The following TRPM2 variants were observed in gnomAD, a reference collection of about 807,000 sequenced individuals.
The protein encoded by TRPM2 is estrogen-responsive element-associated gene 1 protein.
In TRPM2, 161 loss-of-function variants were observed where a neutral mutation model predicts 174.0. The ratio of observed to expected loss-of-function variants is 0.93; its 90% confidence interval spans 0.81 to 1.05. The LOEUF is 1.05. Among genes scored for constraint, TRPM2 ranks in the 50% least tolerant of loss-of-function variants. The pLI is 0.00. For missense variants in TRPM2, 2,057 were observed against 2,038.0 expected (o/e 1.01, Z -0.18); for synonymous variants, 954 against 861.3 (o/e 1.11, Z -1.88).
chr21:44,418,622 C>T, intron 22 of TRPM2, 67 bp downstream of exon 22: 1 of 1,590,868 alleles, frequency 6.3e-7, no homozygotes, highest in South Asian at 1.1e-5. Flanking sequence ...TCCACAGGCA[C>T]CATGAGTACA....
chr21:44,402,575 ACT>A (rs983017994), intron 16 of TRPM2, among the ~76,000 whole-genome samples: 2 of 152,074 alleles, frequency 1.3e-5, no homozygotes, highest in African/African-American at 4.8e-5. Flanking sequence ...CAAAGGTCAA[ACT>A]GAAAACTGCC....
chr21:44,414,368 G>C (rs2050209037), intron 20 of TRPM2, among the ~76,000 whole-genome samples: 1 of 152,352 alleles, frequency 6.6e-6, no homozygotes, highest in African/African-American at 2.4e-5. Context: ...TGCTGCGGAG[G>C]CAGCCTCCTC....
At chr21:44,378,399 A>G (rs2048770890) in intron 7 of TRPM2, among the ~76,000 whole-genome samples, 1 of 152,192 alleles carries the variant, frequency 6.6e-6, no homozygotes, top group Admixed American at 6.5e-5. Flanking sequence ...TTTATGTTTC[A>G]TGATTGCAGG....
At position 44,376,106 on chromosome 21, in the gene TRPM2, C is replaced by G. The variant is rs563461457; in HGVS notation, c.952+93C>G. 6.8e-6 allele frequency: 10 copies of G among 1,460,192 alleles called. No homozygotes were observed. Among genetic ancestry groups the G allele is most frequent in the Non-Finnish European group, 9.3e-6 (10 of 1,076,042 alleles). 90.5% of individuals were successfully genotyped at this position (1,460,192 alleles called of 1,614,324 possible). A position where few individuals can be genotyped will look rare whatever the true frequency, so the allele number is the denominator to read the frequency against. ...AGCTGGTCACGACCAGGACGTTCAA[C>G]AGGCCTGGCGTTTGGCAGAGAGTGC... On this transcript the variant is annotated intron_variant, in intron 6 of 31. Transcript: ENST00000397928. This position sits in a 1 kb window ranked among gnomAD's most constrained non-coding sequence, Gnocchi z 4.2.
intron 1 of TRPM2, 111 bp downstream of exon 1, chr21:44,353,976 T>G: frequency 7.4e-7 from 1 of 1,342,986 alleles, no homozygotes; most frequent in Non-Finnish European, 9.9e-7. Context: ...TCTGCTGACC[T>G]TGGGGGCTCC....
Position 44,365,016 on chromosome 21 carries a change from T to TC in TRPM2, c.423+734_423+735insC, listed in dbSNP as rs1446866260. Among the ~76,000 whole-genome samples the TC allele has an allele frequency of 6.7e-5, 10 of 148,804 alleles. 3 individuals carry two copies. Among genetic ancestry groups the TC allele is most frequent in the African/African-American group, 1.3e-4 (5 of 39,706 alleles). Reference sequence around the variant, plus strand: ...CTGAGACTCGCGTGTTGACCAGCCTTTTGGAGGGTTCTGAGACTCGCGTGT... The same window carrying TC: ...CTGAGACTCGCGTGTTGACCAGCCTTCTTGGAGGGTTCTGAGACTCGCGTGT... On this transcript the variant is annotated intron_variant, in intron 3 of 31. Coordinates refer to ENST00000397928, the MANE Select transcript of TRPM2 (RefSeq NM_003307.4).
At chr21:44,397,249 G>A (rs1259625273) in intron 12 of TRPM2, among the ~76,000 whole-genome samples, 1 of 152,108 alleles carries the variant, frequency 6.6e-6, no homozygotes, top group East Asian at 1.9e-4. Context: ...ATATTGGCCA[G>A]GCTGGTCTCG....
At chr21:44,403,667 A>G (rs1008638505) in intron 16 of TRPM2, among the ~76,000 whole-genome samples, 1 of 139,178 alleles carries the variant, frequency 7.2e-6, no homozygotes, top group Non-Finnish European at 1.5e-5. Context: ...ACACATGCAT[A>G]CACACATGCA....
At chr21:44,403,115 C>T (rs1002539224) in intron 16 of TRPM2, among the ~76,000 whole-genome samples, 2 of 152,150 alleles carry the variant, frequency 1.3e-5, no homozygotes, top group African/African-American at 4.8e-5. Context: ...CCACCAGACC[C>T]TCTCTACAAG....
At position 44,379,215 on chromosome 21, in the gene TRPM2, G is replaced by A. The variant is rs756013023; in HGVS notation, c.1215+18G>A. ...CCAAAAAGGTGAGGCTGACGGGCAC[G>A]ACGGTCACCAGCATGTGGCTGCTTT... On this transcript the variant is annotated intron_variant, in intron 8 of 31. Transcript: ENST00000397928. The A allele has an allele frequency of 1.9e-5, 31 of 1,609,032 alleles. No homozygotes were observed. The highest frequency in any genetic ancestry group is 4.5e-5 in the East Asian group (2 of 44,866).
chr21:44,406,176 TC>T, intron 18 of TRPM2, 139 bp downstream of exon 18: 1 of 1,118,816 alleles, frequency 8.9e-7, no homozygotes, highest in Admixed American at 2.3e-5. Flanking sequence ...CCCCTTGGGC[TC>T]CCAAGAATGC....
chr21:44,375,562 C>A (rs2048673892), intron 5 of TRPM2, among the ~76,000 whole-genome samples: 1 of 152,230 alleles, frequency 6.6e-6, no homozygotes, highest in Admixed American at 6.5e-5. Flanking sequence ...CTTGCCCCTG[C>A]CTCTGTGGTC....
At chr21:44,386,968 T>C (rs1024735748) in intron 9 of TRPM2, among the ~76,000 whole-genome samples, 6 of 152,144 alleles carry the variant, frequency 3.9e-5, no homozygotes, top group Non-Finnish European at 5.9e-5. Flanking sequence ...AGTGGGCTGA[T>C]TGCTTGAGCT....
chr21:44,396,508 A>G (rs867538568), intron 12 of TRPM2, among the ~76,000 whole-genome samples: 18 of 10,506 alleles, frequency 1.7e-3, no homozygotes, highest in Non-Finnish European at 1.4e-3. Flanking sequence ...AGACTGTGGA[A>G]GGGTGTGGAG....
In TRPM2 at chr21:44,432,354, A is replaced by T. The variant is rs2051056028; in HGVS notation, c.3975-2777A>T. Among the ~76,000 whole-genome samples the T allele has an allele frequency of 6.6e-6, 1 of 152,176 alleles. No individual in the cohort carries two copies. The highest frequency in any genetic ancestry group is 2.1e-4 in the South Asian group (1 of 4,830). ...CCCTAGCCACATGGCCTCTCCCTGC[A>T]CGTGTCTGTGTCTCTTCTGTTCTTA... On this transcript the variant is annotated intron_variant, in intron 27 of 31. Coordinates refer to ENST00000397928, the MANE Select transcript of TRPM2 (RefSeq NM_003307.4). This position sits in a 1 kb window ranked among gnomAD's most constrained non-coding sequence, Gnocchi z 4.9.
chr21:44,429,720 T>G (rs894350649), intron 27 of TRPM2, among the ~76,000 whole-genome samples: 8 of 152,230 alleles, frequency 5.3e-5, no homozygotes, highest in African/African-American at 1.9e-4. Flanking sequence ...AGATTTTCTA[T>G]GTAAATAATA....
At chr21:44,398,279 C>T (rs1368709714) in intron 13 of TRPM2, among the ~76,000 whole-genome samples, 3 of 151,140 alleles carry the variant, frequency 2.0e-5, no homozygotes, top group Non-Finnish European at 2.9e-5. Flanking sequence ...CGGCTCACTA[C>T]ACCCTCTGCC....
intron 20 of TRPM2, chr21:44,415,968 C>A (rs2050264712): frequency 6.6e-6 from 1 of 152,110 alleles, no homozygotes; most frequent in African/African-American, 2.4e-5. Flanking sequence ...AACCAGGAGG[C>A]CACGCAGAAT....
intron 22 of TRPM2, chr21:44,422,306 T>C (rs957572124): frequency 8.5e-6 from 13 of 1,535,950 alleles, no homozygotes; most frequent in African/African-American, 1.4e-5. Flanking sequence ...GGACAAGCTC[T>C]GTCTGCAAAT....
Sources: allele counts gnomAD v4.1 joint callset (sites outside exome capture counted in the v4.1 genomes callset), GRCh38; gene constraint gnomAD v4.1.1; non-coding constraint Gnocchi (gnomAD v3.1); transcripts MANE v1.5; gene names NCBI Gene and HGNC (gene_info 2026-07-23, HGNC 2026-07-21).